Variants in GALNT17 observed in about 807,000 individuals in gnomAD.
GALNT17 encodes UDP-GalNAc:polypeptide N-acetylgalactosaminyltransferase-like 3.
In GALNT17, 29 loss-of-function variants were observed where a neutral mutation model predicts 63.7. That is an observed-to-expected ratio of 0.46 (90% CI 0.34 to 0.62). The LOEUF is 0.62. Among genes scored for constraint, GALNT17 ranks in the 20% least tolerant of loss-of-function variants. The probability of loss-of-function intolerance (pLI) is 0.01; values close to 1 mark genes in which losing one functional copy is unlikely to be tolerated. For synonymous variants in GALNT17, 305 were observed against 318.3 expected (o/e 0.96, Z 0.45); for missense variants, 603 against 799.6 (o/e 0.75, Z 2.97).
Position 71,263,724 on chromosome 7 carries a change from C to T in GALNT17, c.239-71826C>T, listed in dbSNP as rs547642585. Among the ~76,000 whole-genome samples, 10 of 152,102 alleles carry T rather than the reference C, an allele frequency of 6.6e-5. No homozygotes were observed. The South Asian group carries it at 1.9e-3, about 29-fold the overall frequency. ...GGATCACTAGGTCAGGAGATCGAGACCATCCTGGCTAACACGGTGAAACCC... is the reference window on the plus strand; with the variant it reads ...GGATCACTAGGTCAGGAGATCGAGATCATCCTGGCTAACACGGTGAAACCC... On this transcript the variant is annotated intron_variant, in intron 1 of 10. Transcript: ENST00000333538.
chr7:71,535,427 T>G (rs1788788179), intron 5 of GALNT17, among the ~76,000 whole-genome samples: 1 of 152,216 alleles, frequency 6.6e-6, no homozygotes. Context: ...TTCCATGATG[T>G]GACCCAGGTT....
intron 2 of GALNT17, among the ~76,000 whole-genome samples, chr7:71,383,168 G>T (rs1792877502): frequency 6.6e-6 from 1 of 152,070 alleles, no homozygotes; most frequent in African/African-American, 2.4e-5. Context: ...GTAGTATATT[G>T]CAGAATTTCC....
intron 6 of GALNT17, among the ~76,000 whole-genome samples, chr7:71,606,756 T>G (rs924254998): frequency 1.3e-5 from 2 of 152,224 alleles, no homozygotes; most frequent in Non-Finnish European, 2.9e-5. Context: ...CCCACATATG[T>G]GCTGGCAGGT....
intron 6 of GALNT17, among the ~76,000 whole-genome samples, chr7:71,650,133 A>C (rs1168464092): frequency 6.6e-6 from 1 of 152,194 alleles, no homozygotes; most frequent in Non-Finnish European, 1.5e-5. Flanking sequence ...GGGACCAGTA[A>C]TTGGGAATGC....
chr7:71,556,546 G>A (rs551264673), intron 5 of GALNT17, among the ~76,000 whole-genome samples: 1 of 152,020 alleles, frequency 6.6e-6, no homozygotes, highest in South Asian at 2.1e-4. Context: ...CTCACCCTCG[G>A]CATCATCTTT....
chr7:71,422,809 G>A (rs548195941), intron 5 of GALNT17, among the ~76,000 whole-genome samples: 21 of 152,326 alleles, frequency 1.4e-4, no homozygotes, highest in African/African-American at 4.8e-4. Context: ...GCCCTAGTGT[G>A]TCAGAAAAAC....
intron 1 of GALNT17, among the ~76,000 whole-genome samples, chr7:71,324,093 G>GCAGAGGA (rs1387245855): frequency 6.6e-6 from 1 of 152,202 alleles, no homozygotes; most frequent in Non-Finnish European, 1.5e-5. Context: ...AAAGGAAACA[G>GCAGAGGA]CAGAGGACGA....
chr7:71,562,362 C>T (rs1161280601), intron 5 of GALNT17, among the ~76,000 whole-genome samples: 1 of 152,172 alleles, frequency 6.6e-6, no homozygotes, highest in East Asian at 1.9e-4. Flanking sequence ...CACAGGGACA[C>T]AAGCCTTCAA....
chr7:71,586,379 A>C (rs1347916753), intron 6 of GALNT17, among the ~76,000 whole-genome samples: 1 of 152,206 alleles, frequency 6.6e-6, no homozygotes, highest in Non-Finnish European at 1.5e-5. Context: ...TCGTTTACTG[A>C]GAAGTATTCC....
intron 2 of GALNT17, among the ~76,000 whole-genome samples, chr7:71,350,637 C>G (rs1260747850): frequency 6.6e-6 from 1 of 151,814 alleles, no homozygotes; most frequent in Non-Finnish European, 1.5e-5. Context: ...TTAAAGTATC[C>G]AGGAGATGTG....
intron 1 of GALNT17, among the ~76,000 whole-genome samples, chr7:71,195,341 A>G (rs546013956): frequency 3.9e-5 from 6 of 152,144 alleles, no homozygotes; most frequent in African/African-American, 4.8e-5. Flanking sequence ...TCAGTCTCCT[A>G]TAGCTGGGAC....
intron 2 of GALNT17, among the ~76,000 whole-genome samples, chr7:71,381,470 C>G (rs186083483): frequency 1.4e-3 from 206 of 152,148 alleles, no homozygotes; most frequent in African/African-American, 4.8e-3. Context: ...GGGTTCTGAC[C>G]TAGAACAGAA....
At chr7:71,448,047 A>G in intron 5 of GALNT17, among the ~76,000 whole-genome samples, 1 of 152,010 alleles carries the variant, frequency 6.6e-6, no homozygotes, top group Admixed American at 6.6e-5. Flanking sequence ...AACTATTTTT[A>G]GTGCTTGTAT....
At chr7:71,420,230 G>A (rs540582576) in intron 4 of GALNT17, among the ~76,000 whole-genome samples, 1 of 152,310 alleles carries the variant, frequency 6.6e-6, no homozygotes, top group South Asian at 2.1e-4. Flanking sequence ...GATTCCTGAC[G>A]AATTACCTGC....
At chr7:71,691,732 G>C (rs1339051609) in intron 9 of GALNT17, among the ~76,000 whole-genome samples, 1 of 152,124 alleles carries the variant, frequency 6.6e-6, no homozygotes, top group South Asian at 2.1e-4. Context: ...TTGGAATAAG[G>C]AACTCAGATT....
intron 1 of GALNT17, among the ~76,000 whole-genome samples, chr7:71,173,854 T>C (rs1329731146): frequency 1.3e-5 from 2 of 152,166 alleles, no homozygotes; most frequent in Admixed American, 6.5e-5. Flanking sequence ...TTGTTCACAT[T>C]ATGTCCTTAA....
rs573163505 is a variant in GALNT17, at chr7:71,448,386, A to G, written c.962+27281A>G. Among the ~76,000 whole-genome samples the G allele has an allele frequency of 2.0e-5, 3 of 150,790 alleles. No individual in the cohort carries two copies. In the East Asian group the frequency reaches 5.8e-4, roughly 29 times the overall value. On this transcript the variant is annotated intron_variant, in intron 5 of 10. Transcript: ENST00000333538. Reference sequence around the variant, plus strand: ...GTGTGTGTGTGTGTGTGTGGTCTCTATTTTTGGAACTCTTTTTGTTTTTGT... The same window carrying G: ...GTGTGTGTGTGTGTGTGTGGTCTCTGTTTTTGGAACTCTTTTTGTTTTTGT...
intron 3 of GALNT17, among the ~76,000 whole-genome samples, chr7:71,390,412 C>A (rs1252087836): frequency 6.6e-6 from 1 of 152,156 alleles, no homozygotes; most frequent in African/African-American, 2.4e-5. Flanking sequence ...GGACCTCTGG[C>A]TTACAGAGAT....
At position 71,711,998 on chromosome 7, in the gene GALNT17, T is replaced by G; in HGVS notation, c.1669-20T>G. On this transcript the variant is annotated intron_variant, in intron 10 of 10. Transcript: ENST00000333538. ...CTCCTCTCTCTCTTCTCCTCTCTTCTCGATTTTGCCCCCTCCCAGAATGGA... is the reference window on the plus strand; with the variant it reads ...CTCCTCTCTCTCTTCTCCTCTCTTCGCGATTTTGCCCCCTCCCAGAATGGA... 1 of 1,613,574 alleles carries G rather than the reference T, an allele frequency of 6.2e-7. No homozygotes were observed. The highest frequency in any genetic ancestry group is 8.5e-7 in the Non-Finnish European group (1 of 1,179,762).
Sources: allele counts gnomAD v4.1 joint callset (sites outside exome capture counted in the v4.1 genomes callset), GRCh38; gene constraint gnomAD v4.1.1; transcripts MANE v1.5; gene names NCBI Gene and HGNC (gene_info 2026-07-23, HGNC 2026-07-21).